Variants in PITPNC1 observed in about 807,000 individuals in gnomAD.
PITPNC1 encodes the protein cytoplasmic phosphatidylinositol transfer protein 1.
Under a neutral mutation model 44.7 loss-of-function variants are expected in PITPNC1, and 18 were observed. That is an observed-to-expected ratio of 0.40 (90% CI 0.28 to 0.60). The LOEUF (loss-of-function observed/expected upper bound fraction) is 0.60, where lower values mean the gene tolerates loss of function less well. Among genes scored for constraint, PITPNC1 ranks in the 20% least tolerant of loss-of-function variants. PITPNC1 has a pLI of 0.39. For synonymous variants in PITPNC1, 141 were observed against 149.6 expected (o/e 0.94, Z 0.42); for missense variants, 290 against 418.4 (o/e 0.69, Z 2.68).
At chr17:67,606,477 A>G (rs1245833125) in intron 5 of PITPNC1, among the ~76,000 whole-genome samples, 1 of 152,270 alleles carries the variant, frequency 6.6e-6, no homozygotes, top group Non-Finnish European at 1.5e-5. Context: ...TCCAAAGAGC[A>G]CGTTTAAATT....
intron 2 of PITPNC1, among the ~76,000 whole-genome samples, chr17:67,537,931 C>A (rs1276432940): frequency 6.6e-6 from 1 of 150,564 alleles, no homozygotes; most frequent in African/African-American, 2.5e-5. Flanking sequence ...AAGATCGCGC[C>A]AGTGCACTCC....
At chr17:67,581,879 A>G (rs1038085311) in intron 5 of PITPNC1, among the ~76,000 whole-genome samples, 3 of 152,056 alleles carry the variant, frequency 2.0e-5, no homozygotes, top group African/African-American at 7.2e-5. Context: ...CTAAAAATAG[A>G]AAAATTAGCT....
chr17:67,672,599 CAA>C (rs2042533792), intron 7 of PITPNC1, among the ~76,000 whole-genome samples: 4 of 48,952 alleles, frequency 8.2e-5, no homozygotes, highest in African/African-American at 3.3e-4. Flanking sequence ...ACTCTGTCTC[CAA>C]AATAATAATA....
chr17:67,472,362 A>G (rs2039551564), intron 1 of PITPNC1, among the ~76,000 whole-genome samples: 1 of 129,446 alleles, frequency 7.7e-6, no homozygotes, highest in Admixed American at 7.6e-5. Context: ...AAAAAAAAAA[A>G]AAGGACCGGG....
intron 2 of PITPNC1, among the ~76,000 whole-genome samples, chr17:67,540,069 C>CATTTTATTTTATTTT (rs60946208): frequency 2.2e-4 from 32 of 144,318 alleles, no homozygotes; most frequent in East Asian, 2.1e-3. Context: ...GTATCTACTA[C>CATTTTATTTTATTTT]ATTTTATTTT....
chr17:67,677,285 A>C (rs1157423449), intron 8 of PITPNC1, among the ~76,000 whole-genome samples: 4 of 152,190 alleles, frequency 2.6e-5, no homozygotes, highest in Non-Finnish European at 5.9e-5. Context: ...TTTGGCAAAA[A>C]GAGAGGTACC....
Position 67,453,031 on chromosome 17 carries a change from A to G in PITPNC1, c.48+74829A>G, listed in dbSNP as rs142168653. Among the ~76,000 whole-genome samples the G allele has an allele frequency of 5.3e-5, 8 of 152,160 alleles. No individual in the cohort carries two copies. The East Asian group carries it at 1.5e-3, about 29-fold the overall frequency. On this transcript the variant is annotated intron_variant, in intron 1 of 8. Transcript: ENST00000581322. ...TTTTAAAACTGCTTTCCATTATAGA[A>G]CATGTTGTGTTGTGCTGTTATATAT...
chr17:67,448,662 C>T (rs562174184), intron 1 of PITPNC1, among the ~76,000 whole-genome samples: 102 of 152,224 alleles, frequency 6.7e-4, no homozygotes, highest in Admixed American at 2.2e-3. Flanking sequence ...TCCAGTCTTT[C>T]CTGTGGGCTC....
In PITPNC1 at chr17:67,695,731, C is replaced by A. The variant is rs1185141192; in HGVS notation, c.*2843C>A. 6.6e-6 allele frequency: 1 copy of A among 151,806 alleles called. No individual in the cohort carries two copies. Among genetic ancestry groups the A allele is most frequent in the East Asian group, 1.9e-4 (1 of 5,190 alleles). 9.4% of individuals were successfully genotyped at this position (151,806 alleles called of 1,614,324 possible). ...CATAGAATATCACATACGTTCACTC[C>A]ATCTTCATCTCTGAAGTTAGTGGAG... On this transcript the variant is annotated 3_prime_UTR_variant, in exon 9 of 9. Coordinates refer to ENST00000581322, the MANE Select transcript of PITPNC1 (RefSeq NM_012417.4).
intron 1 of PITPNC1, 53 bp from the exon 2 acceptor site, chr17:67,532,749 T>A: frequency 6.9e-7 from 1 of 1,452,470 alleles, no homozygotes; most frequent in Non-Finnish European, 9.3e-7. Context: ...TGGAGGGGGA[T>A]GTCAGGGGCA....
intron 1 of PITPNC1, among the ~76,000 whole-genome samples, chr17:67,465,085 G>A (rs1299938564): frequency 6.6e-6 from 1 of 152,202 alleles, no homozygotes; most frequent in Non-Finnish European, 1.5e-5. Context: ...AAGCACTTTG[G>A]CTAGCAAATG....
rs1032158307 is a variant in PITPNC1 at position 67,462,073 on chromosome 17, A to G, written c.49-70729A>G. Among the ~76,000 whole-genome samples the G allele has an allele frequency of 4.6e-5, 7 of 152,092 alleles. No individual in the cohort carries two copies. The South Asian group carries it at 6.2e-4, about 14-fold the overall frequency. On this transcript the variant is annotated intron_variant, in intron 1 of 8. Coordinates refer to ENST00000581322, the MANE Select transcript of PITPNC1 (RefSeq NM_012417.4). Reference sequence around the variant, plus strand: ...TTCACAACATGCCTCTTGAATCTAAAGAAAGCAGTGCTGTTGGTGGTTGTC... The same window carrying G: ...TTCACAACATGCCTCTTGAATCTAAGGAAAGCAGTGCTGTTGGTGGTTGTC...
chr17:67,399,795 T>G (rs955759660), intron 1 of PITPNC1, among the ~76,000 whole-genome samples: 5 of 152,214 alleles, frequency 3.3e-5, no homozygotes, highest in Non-Finnish European at 7.3e-5. Flanking sequence ...CCTTTGCATT[T>G]TATCTCCCTG....
intron 1 of PITPNC1, among the ~76,000 whole-genome samples, chr17:67,387,375 T>C (rs557936845): frequency 6.4e-4 from 98 of 152,300 alleles, no homozygotes; most frequent in Admixed American, 4.7e-3. Flanking sequence ...TTTCCTCATC[T>C]AAATCTCTGG....
intron 7 of PITPNC1, among the ~76,000 whole-genome samples, chr17:67,670,256 G>A (rs2042491228): frequency 6.6e-6 from 1 of 151,990 alleles, no homozygotes; most frequent in African/African-American, 2.4e-5. Context: ...GTTTGGTATT[G>A]GACTCATCTA....
chr17:67,495,040 G>GTT lies in PITPNC1; in HGVS notation c.49-37752_49-37751dup, dbSNP rs879366971. Among the ~76,000 whole-genome samples, 114 of 64,702 alleles carry GTT rather than the reference G, an allele frequency of 1.8e-3. 12 individuals are homozygous for GTT. The highest frequency in any genetic ancestry group is 2.4e-3 in the East Asian group (5 of 2,120). 42.4% of individuals were successfully genotyped at this position (64,702 alleles called of 152,430 possible). On this transcript the variant is annotated intron_variant, in intron 1 of 8. Coordinates refer to ENST00000581322, the MANE Select transcript of PITPNC1 (RefSeq NM_012417.4). Reference sequence around the variant, plus strand: ...TTTGGCAATATTGAGCCATGGAGTTGTTTTTTTTTTTGTTTTTTTTTTTTT... The same window carrying GTT: ...TTTGGCAATATTGAGCCATGGAGTTGTTTTTTTTTTTTTGTTTTTTTTTTTTT...
At chr17:67,602,453 C>T (rs915782372) in intron 5 of PITPNC1, among the ~76,000 whole-genome samples, 7 of 152,004 alleles carry the variant, frequency 4.6e-5, no homozygotes, top group Admixed American at 1.3e-4. Context: ...AGGTGAAGGT[C>T]GTTGGAGGAG....
At chr17:67,661,466 C>T (rs895198458) in intron 6 of PITPNC1, among the ~76,000 whole-genome samples, 1 of 152,130 alleles carries the variant, frequency 6.6e-6, no homozygotes, top group African/African-American at 2.4e-5. Flanking sequence ...TCCCCTCACC[C>T]CCAGGCCCAC....
At chr17:67,579,800 C>G (rs767091412) in intron 5 of PITPNC1, among the ~76,000 whole-genome samples, 1 of 151,562 alleles carries the variant, frequency 6.6e-6, no homozygotes, top group Non-Finnish European at 1.5e-5. Context: ...ATTAGCCGGG[C>G]GTGGTGGCGC....
Sources: gnomAD v4.1 joint callset for allele counts (sites outside exome capture counted in the v4.1 genomes callset) on GRCh38, gnomAD v4.1.1 for gene constraint, MANE v1.5 for transcripts, NCBI Gene and HGNC (gene_info 2026-07-23, HGNC 2026-07-21) for gene names.